LINGO2: variants seen among roughly 807,000 people sequenced by gnomAD.
LINGO2 encodes the protein leucine rich repeat and Ig domain containing 2, also known as leucine-rich repeat and immunoglobulin-like domain-containing nogo receptor-interacting protein 2.
In LINGO2, 14 loss-of-function variants were observed where a neutral mutation model predicts 30.6. The observed-to-expected ratio is 0.46, with a 90% CI of 0.30 to 0.72. The LOEUF is 0.72. Among genes scored for constraint, LINGO2 ranks in the 30% least tolerant of loss-of-function variants. The pLI is 0.07. For synonymous variants in LINGO2, 317 were observed against 288.5 expected, an observed-to-expected ratio of 1.10 and a Z score of -1.00; for missense variants, 729 against 751.7, an observed-to-expected ratio of 0.97 and a Z score of 0.35.
At chr9:28,679,354 A>C in the LINGO2 span, among the ~76,000 whole-genome samples, 1 of 152,096 alleles carries the variant, frequency 6.6e-6, no homozygotes, top group East Asian at 1.9e-4. Context: ...TAATCTTCTA[A>C]CTTTGGTTCT....
rs892758559 is a variant in LINGO2, at chr9:27,985,673, TATG to T, written c.-36+26679_-36+26681del. ...AATTAGGGTTTATTATTATTACTTC[TATG>T]ATGATGATGATTACTATGATTCTAC... On this transcript the variant is annotated intron_variant, in intron 5 of 5. Coordinates refer to ENST00000379992, the Ensembl canonical transcript of LINGO2. 2.4e-4 allele frequency among the ~76,000 whole-genome samples: 36 copies of T among 151,954 alleles called. 1 individual carries two copies. The South Asian group carries it at 3.1e-3, about 13-fold the overall frequency.
intron 2 of LINGO2, among the ~76,000 whole-genome samples, chr9:28,431,595 A>G (rs1823678421): frequency 6.6e-6 from 1 of 152,204 alleles, no homozygotes; most frequent in African/African-American, 2.4e-5. Context: ...GTGATTCAAT[A>G]ACTCATGTAT....
intron 5 of LINGO2, among the ~76,000 whole-genome samples, chr9:28,010,910 C>T (rs1374869864): frequency 6.6e-6 from 1 of 152,166 alleles, no homozygotes; most frequent in Non-Finnish European, 1.5e-5. Flanking sequence ...GTGAGCCATG[C>T]TCAGGCCACT....
chr9:29,084,555 C>A, the LINGO2 span, among the ~76,000 whole-genome samples: 2 of 151,962 alleles, frequency 1.3e-5, no homozygotes, highest in Non-Finnish European at 2.9e-5. Flanking sequence ...TCAAAACAAT[C>A]ATTCAGGGAT....
chr9:28,802,217 C>A, the LINGO2 span, among the ~76,000 whole-genome samples: 1 of 151,984 alleles, frequency 6.6e-6, no homozygotes, highest in East Asian at 1.9e-4. Context: ...CAATGCTTTG[C>A]ATATGGTAGG....
At chr9:28,787,326 A>C in the LINGO2 span, among the ~76,000 whole-genome samples, 3 of 152,172 alleles carry the variant, frequency 2.0e-5, no homozygotes, top group Non-Finnish European at 4.4e-5. Flanking sequence ...TATATTCGAT[A>C]AGACACAGGT....
chr9:28,443,701 C>T (rs959316454), intron 2 of LINGO2, among the ~76,000 whole-genome samples: 4 of 152,160 alleles, frequency 2.6e-5, no homozygotes, highest in African/African-American at 7.2e-5. Context: ...TGGGTGCCAA[C>T]GAGTGTGAGA....
At chr9:28,069,986 G>C (rs529250708) in intron 4 of LINGO2, among the ~76,000 whole-genome samples, 1 of 152,276 alleles carries the variant, frequency 6.6e-6, no homozygotes, top group South Asian at 2.1e-4. Flanking sequence ...GCTCATAGTG[G>C]GCAACAGCAG....
At chr9:27,985,812 GA>G (rs5897260) in intron 5 of LINGO2, among the ~76,000 whole-genome samples, 60,291 of 151,438 alleles carry the variant, frequency 0.4, 12,115 homozygotes, top group East Asian at 0.51. Context: ...AAAGGTGAAT[GA>G]AGATATCAAG....
intron 2 of LINGO2, among the ~76,000 whole-genome samples, chr9:28,457,178 G>T (rs1824884987): frequency 6.6e-6 from 1 of 151,988 alleles, no homozygotes; most frequent in Non-Finnish European, 1.5e-5. Context: ...CCATCACAGT[G>T]GTTTAAAAAA....
chr9:28,756,609 C>G, the LINGO2 span, among the ~76,000 whole-genome samples: 3 of 151,876 alleles, frequency 2.0e-5, no homozygotes, highest in East Asian at 5.8e-4. Context: ...TCCCCATGAT[C>G]CCCACATGTC....
chr9:29,011,279 C>G, the LINGO2 span, among the ~76,000 whole-genome samples: 13 of 152,096 alleles, frequency 8.5e-5, no homozygotes, highest in African/African-American at 3.1e-4. Context: ...AATGTAGGCA[C>G]CATTTGTAGG....
intron 2 of LINGO2, among the ~76,000 whole-genome samples, chr9:28,455,271 A>T (rs527940547): frequency 3.3e-5 from 5 of 152,106 alleles, no homozygotes; most frequent in Non-Finnish European, 5.9e-5. Context: ...TTGCATGGCT[A>T]CTCTAATATA....
At chr9:29,161,988 C>G in the LINGO2 span, among the ~76,000 whole-genome samples, 1 of 151,164 alleles carries the variant, frequency 6.6e-6, no homozygotes, top group African/African-American at 2.4e-5. Context: ...GGCACAATCT[C>G]GGCTTACTAC....
the LINGO2 span, among the ~76,000 whole-genome samples, chr9:28,686,476 A>G: frequency 6.6e-6 from 1 of 152,036 alleles, no homozygotes; most frequent in Admixed American, 6.6e-5. Context: ...GTTTGACTGA[A>G]GCACCAGGTG....
intron 4 of LINGO2, among the ~76,000 whole-genome samples, chr9:28,167,151 C>A (rs933334017): frequency 4.1e-4 from 42 of 101,322 alleles, no homozygotes; most frequent in East Asian, 1.6e-3. Context: ...CCCCCCCCCC[C>A]ACTTTTCTTT....
the LINGO2 span, among the ~76,000 whole-genome samples, chr9:28,716,321 A>C: frequency 1.3e-5 from 2 of 152,034 alleles, no homozygotes; most frequent in African/African-American, 4.8e-5. Context: ...TTAAGCAGAA[A>C]GAGGGATGGA....
At chr9:28,880,756 G>A in the LINGO2 span, among the ~76,000 whole-genome samples, 7 of 152,150 alleles carry the variant, frequency 4.6e-5, no homozygotes, top group African/African-American at 1.7e-4. Context: ...TATAAAACCC[G>A]ATTGTACATT....
At chr9:28,528,995 G>A (rs1182985179) in intron 1 of LINGO2, among the ~76,000 whole-genome samples, 1 of 152,036 alleles carries the variant, frequency 6.6e-6, no homozygotes, top group African/African-American at 2.4e-5. Context: ...TAGTTCCCTG[G>A]TATTCTTCCT....
Sources: allele counts gnomAD v4.1 joint callset (sites outside exome capture counted in the v4.1 genomes callset), GRCh38; gene constraint gnomAD v4.1.1; transcripts MANE v1.5; gene names NCBI Gene and HGNC (gene_info 2026-07-23, HGNC 2026-07-21).